SNTG1: variants seen among roughly 807,000 people sequenced by gnomAD.
SNTG1 encodes gamma-1-syntrophin.
SNTG1 carries 39 observed loss-of-function variants against 74.7 expected under a neutral mutation model. The ratio of observed to expected loss-of-function variants is 0.52; its 90% CI spans 0.40 to 0.68. SNTG1 has a LOEUF of 0.68. Ranked by LOEUF, SNTG1 falls within the 30% of genes least tolerant of loss-of-function variation. SNTG1 has a pLI of 0.00. For synonymous variants in SNTG1, 254 were observed against 217.1 expected, an observed-to-expected ratio of 1.17 and a Z score of -1.49; for missense variants, 685 against 609.5, an observed-to-expected ratio of 1.12 and a Z score of -1.30.
intron 2 of SNTG1, among the ~76,000 whole-genome samples, chr8:50,331,871 A>C (rs1410362114): frequency 6.6e-6 from 1 of 152,250 alleles, no homozygotes; most frequent in Admixed American, 6.5e-5. Context: ...AAAGTGGAGA[A>C]GACAGCAGAA....
At chr8:50,366,563 G>T (rs2092116607) in intron 2 of SNTG1, among the ~76,000 whole-genome samples, 1 of 151,092 alleles carries the variant, frequency 6.6e-6, no homozygotes, top group Non-Finnish European at 1.5e-5. Flanking sequence ...GTATAATAGG[G>T]ATCTACATTG....
At chr8:50,752,759 C>G (rs1012164282) in intron 18 of SNTG1, among the ~76,000 whole-genome samples, 2 of 151,924 alleles carry the variant, frequency 1.3e-5, no homozygotes, top group Non-Finnish European at 2.9e-5. Flanking sequence ...CATTCAGAAC[C>G]TTCCCAGGAA....
At chr8:50,085,545 C>G (rs1330478609) in intron 1 of SNTG1, among the ~76,000 whole-genome samples, 5 of 152,200 alleles carry the variant, frequency 3.3e-5, no homozygotes. Context: ...TCATCAAGCC[C>G]TCAGGTTCTT....
chr8:50,097,245 T>A (rs542319304), intron 1 of SNTG1, among the ~76,000 whole-genome samples: 1 of 152,264 alleles, frequency 6.6e-6, no homozygotes, highest in South Asian at 2.1e-4. Context: ...CTAAAACTTT[T>A]TAAAATTGCT....
intron 2 of SNTG1, among the ~76,000 whole-genome samples, chr8:50,298,194 T>C (rs1487481606): frequency 6.6e-6 from 1 of 152,074 alleles, no homozygotes. Context: ...AGATCCTAGG[T>C]TTTGTCTCCA....
In SNTG1 at chr8:50,683,436, A is replaced by G. The variant is rs79714736; in HGVS notation, c.1039-21164A>G. Among the ~76,000 whole-genome samples the G allele has an allele frequency of 5.5e-3, 844 of 152,196 alleles. 4 individuals are homozygous for G. Among genetic ancestry groups the G allele is most frequent in the African/African-American group, 0.02 (815 of 41,524 alleles). Reference sequence around the variant, plus strand: ...GGACTCAGAAGCCAGGCCAAAGATGATATCATCCATATTAATGAGCACTAA... The same window carrying G: ...GGACTCAGAAGCCAGGCCAAAGATGGTATCATCCATATTAATGAGCACTAA... On this transcript the variant is annotated intron_variant, in intron 15 of 18. Coordinates refer to ENST00000642720, the MANE Select transcript of SNTG1 (RefSeq NM_018967.5).
At chr8:50,408,862 C>A (rs562612934) in intron 4 of SNTG1, among the ~76,000 whole-genome samples, 1 of 152,040 alleles carries the variant, frequency 6.6e-6, no homozygotes, top group Non-Finnish European at 1.5e-5. Context: ...TGTGAGAGGG[C>A]AGGATATAGG....
chr8:50,043,434 A>T (rs1465145077), intron 1 of SNTG1, among the ~76,000 whole-genome samples: 1 of 152,232 alleles, frequency 6.6e-6, no homozygotes, highest in African/African-American at 2.4e-5. Flanking sequence ...AAAAAGAAGT[A>T]ACTGGAAACC....
chr8:50,708,010 A>C, intron 16 of SNTG1: 1 of 324,760 alleles, frequency 3.1e-6, no homozygotes, highest in East Asian at 4.6e-5. Context: ...AGACCAGCCC[A>C]GCCAAGATGG....
chr8:49,988,903 G>GA (rs576806984), intron 1 of SNTG1, among the ~76,000 whole-genome samples: 1 of 151,464 alleles, frequency 6.6e-6, no homozygotes, highest in Non-Finnish European at 1.5e-5. Flanking sequence ...AAAGATGAGA[G>GA]AAAAAATATA....
chr8:50,687,285 T>A (rs1404851092), intron 15 of SNTG1, among the ~76,000 whole-genome samples: 1 of 151,300 alleles, frequency 6.6e-6, no homozygotes, highest in East Asian at 1.9e-4. Flanking sequence ...AACAACTAAG[T>A]AGCAGTAGTA....
intron 13 of SNTG1, among the ~76,000 whole-genome samples, chr8:50,596,711 G>GTT (rs1255167048): frequency 6.6e-6 from 1 of 152,020 alleles, no homozygotes. Flanking sequence ...CATGAGTAGT[G>GTT]TAAGTCCCCT....
chr8:50,557,095 C>A (rs2094460078), intron 12 of SNTG1, among the ~76,000 whole-genome samples: 1 of 151,972 alleles, frequency 6.6e-6, no homozygotes, highest in Non-Finnish European at 1.5e-5. Context: ...CCTTTCTGCC[C>A]TGGAAAGTGG....
intron 13 of SNTG1, among the ~76,000 whole-genome samples, chr8:50,616,638 C>G (rs1244850763): frequency 1.3e-5 from 2 of 152,188 alleles, no homozygotes; most frequent in Admixed American, 6.5e-5. Context: ...GAGCCCTCCC[C>G]CTCAGCTTCT....
intron 2 of SNTG1, among the ~76,000 whole-genome samples, chr8:50,372,251 C>T (rs961953181): frequency 6.8e-4 from 102 of 150,674 alleles, no homozygotes; most frequent in African/African-American, 2.5e-3. Flanking sequence ...TGCTTTGATT[C>T]CTTTGCCATT....
At chr8:49,936,297 G>A (rs939129428) in intron 1 of SNTG1, among the ~76,000 whole-genome samples, 6 of 151,578 alleles carry the variant, frequency 4.0e-5, no homozygotes, top group Non-Finnish European at 7.4e-5. Context: ...TTTTTAATGT[G>A]GCTCCTCTAT....
chr8:50,502,969 A>C, intron 9 of SNTG1, 89 bp downstream of exon 9: 1 of 1,147,742 alleles, frequency 8.7e-7, no homozygotes, highest in African/African-American at 1.6e-5. Flanking sequence ...TTTCTTCTTA[A>C]AGTTGAGATT....
rs115878115 is a variant in SNTG1 at position 50,345,722 on chromosome 8, C to T, written c.-27-48490C>T. On this transcript the variant is annotated intron_variant, in intron 2 of 18. Coordinates refer to ENST00000642720, the MANE Select transcript of SNTG1 (RefSeq NM_018967.5). ...TATCAATTTTTCAGTATATTTTATA[C>T]CAGTTTTCTTTTTAAAATTTCAGTG... Among the ~76,000 whole-genome samples the T allele has an allele frequency of 6.0e-3, 914 of 152,174 alleles. 7 individuals are homozygous for T. The highest frequency in any genetic ancestry group is 0.021 in the African/African-American group (857 of 41,526).
At chr8:50,624,337 T>TA (rs60135503) in intron 13 of SNTG1, among the ~76,000 whole-genome samples, 6,547 of 113,220 alleles carry the variant, frequency 0.058, 246 homozygotes, top group African/African-American at 0.29. Context: ...AAAAATTATA[T>TA]TTTTTTTCAA....
Sources: gnomAD v4.1 joint callset for allele counts (sites outside exome capture counted in the v4.1 genomes callset) on GRCh38, gnomAD v4.1.1 for gene constraint, MANE v1.5 for transcripts, NCBI Gene and HGNC (gene_info 2026-07-23, HGNC 2026-07-21) for gene names.